The following NF1 variants were observed in gnomAD, a reference collection of about 807,000 sequenced individuals.
NF1 encodes neurofibromin.
A neutral mutation model predicts 325.7 loss-of-function variants in NF1; 122 were observed. That is an observed-to-expected ratio of 0.37 (90% CI 0.32 to 0.44). NF1 has a LOEUF of 0.44. Ranked by LOEUF, NF1 falls within the 20% of genes least tolerant of loss-of-function variation. The pLI is 1.00. For synonymous variants in NF1, 1,091 were observed against 1,186.0 expected, an observed-to-expected ratio of 0.92 and a Z score of 1.65; for missense variants, 2,140 against 3,415.4, an observed-to-expected ratio of 0.63 and a Z score of 9.31.
At chr17:31,222,425 A>G in intron 15 of NF1, 1 of 1,032,744 alleles carries the variant, frequency 9.7e-7, no homozygotes, top group Non-Finnish European at 1.2e-6. Context: ...TATACAAATC[A>G]TTACATTTTA....
chr17:31,218,071 G>C (rs1338014393), intron 13 of NF1, among the ~76,000 whole-genome samples: 1 of 152,014 alleles, frequency 6.6e-6, no homozygotes, highest in Non-Finnish European at 1.5e-5. Context: ...TCTAGCCTTT[G>C]CTTTGTTACC....
intron 5 of NF1, among the ~76,000 whole-genome samples, chr17:31,177,527 T>C (rs1231648342): frequency 6.6e-6 from 1 of 151,762 alleles, no homozygotes; most frequent in Non-Finnish European, 1.5e-5. Flanking sequence ...GTTTGACAAA[T>C]TGACAGAAGT....
chr17:31,276,366 G>A (rs1454836758), intron 36 of NF1, among the ~76,000 whole-genome samples: 1 of 152,076 alleles, frequency 6.6e-6, no homozygotes, highest in East Asian at 1.9e-4. Context: ...GCATAAATTT[G>A]GAAGGCACAG....
intron 12 of NF1, among the ~76,000 whole-genome samples, chr17:31,211,209 A>G (rs1310896361): frequency 3.3e-5 from 5 of 152,234 alleles, no homozygotes; most frequent in African/African-American, 9.6e-5. Flanking sequence ...ACCAGCTTCT[A>G]TTCCTACTAA....
At chr17:31,113,556 G>T (rs117206549) in intron 1 of NF1, among the ~76,000 whole-genome samples, 2,570 of 152,174 alleles carry the variant, frequency 0.017, 37 homozygotes, top group Middle Eastern at 0.051. Context: ...TTGAGACAGG[G>T]TCTTGCTCTG....
In NF1 at chr17:31,252,928, T is replaced by C. The variant is rs2067520558; in HGVS notation, c.4111-10T>C. The stretch of plus-strand genomic sequence containing the variant: ...GCTGTGACTTGTTTGTGCTCATCTC[T>C]GTTCTGTAGGCAACTTGCCACTCCC... On this transcript the variant is annotated splice_polypyrimidine_tract_variant and intron_variant, in intron 30 of 57. Transcript: ENST00000358273. The C allele has an allele frequency of 6.2e-7, 1 of 1,612,992 alleles. No individual in the cohort carries two copies. Among genetic ancestry groups the C allele is most frequent in the Non-Finnish European group, 8.5e-7 (1 of 1,179,300 alleles).
At chr17:31,230,209 T>A (rs1339585381) in intron 22 of NF1, 51 bp from the exon 23 acceptor site, 1 of 1,595,500 alleles carries the variant, frequency 6.3e-7, no homozygotes, top group African/African-American at 1.3e-5. Flanking sequence ...TAGAATGCCT[T>A]CTCTTTTGTC....
At chr17:31,190,196 G>T (rs958938728) in intron 8 of NF1, among the ~76,000 whole-genome samples, 7 of 151,194 alleles carry the variant, frequency 4.6e-5, no homozygotes, top group Non-Finnish European at 8.8e-5. Context: ...GGTGGAGGTT[G>T]CCATGAGCTG....
At chr17:31,347,200 C>T (rs28462302) in intron 48 of NF1, among the ~76,000 whole-genome samples, 7 of 149,490 alleles carry the variant, frequency 4.7e-5, no homozygotes, top group South Asian at 2.2e-4. Flanking sequence ...GGTTTCTATT[C>T]GGGACAATAA....
chr17:31,154,790 AG>A (rs1257640076), intron 1 of NF1, among the ~76,000 whole-genome samples: 2 of 129,146 alleles, frequency 1.5e-5, no homozygotes, highest in East Asian at 4.6e-4. Context: ...GCCAGGCTGG[AG>A]TGCAGTGGCG....
intron 32 of NF1, 121 bp from the exon 33 acceptor site, chr17:31,258,911 A>T: frequency 1.6e-6 from 1 of 642,812 alleles, no homozygotes; most frequent in Non-Finnish European, 2.7e-6. Flanking sequence ...GGAATGTTTG[A>T]TTTTTAAGTA....
chr17:31,373,934 G>A (rs2151600944), intron 57 of NF1, 79 bp from the exon 58 acceptor site: 1 of 1,561,430 alleles, frequency 6.4e-7, no homozygotes, highest in Non-Finnish European at 8.8e-7. Flanking sequence ...TGTCCCCGTT[G>A]TTAAGCGACA....
intron 8 of NF1, among the ~76,000 whole-genome samples, chr17:31,192,270 C>G (rs1301417301): frequency 6.6e-6 from 1 of 152,128 alleles, no homozygotes; most frequent in Admixed American, 6.5e-5. Context: ...ATCAGGAGTT[C>G]CTGAGAACAT....
In NF1 at chr17:31,206,352, C is replaced by T. The variant is rs781555047; in HGVS notation, c.1373C>T (p.Pro458Leu). The change falls in exon 12 of 58, where the codon CCA (proline) becomes CTA (leucine). Residue 458 changes from proline to leucine, a missense_variant. By Grantham distance (98) the Pro-to-Leu change is moderately conservative. Around this residue, in one of 10 missense-constraint regions of NF1, gnomAD observed 179 missense variants for 381.0 expected, o/e 0.47. Coordinates refer to ENST00000358273, the MANE Select transcript of NF1 (RefSeq NM_001042492.3). ...HKAVQGCGAH[P>L]AIRMAPSLTF... is the part of the protein sequence containing the mutation. ...GCAGTGCAAGGTTGTGGAGCACACC[C>T]AGCAATACGAATGGCACCGGTAAGA... 1.9e-6 allele frequency: 3 copies of T among 1,613,726 alleles called. No individual in the cohort carries two copies. The highest frequency in any genetic ancestry group is 2.5e-6 in the Non-Finnish European group (3 of 1,179,726).
Position 31,295,041 on chromosome 17 carries a change from A to G in NF1, c.4835+29702A>G, listed in dbSNP as rs377553929. On this transcript the variant is annotated intron_variant, in intron 36 of 57. Coordinates refer to ENST00000358273, the MANE Select transcript of NF1 (RefSeq NM_001042492.3). The stretch of plus-strand genomic sequence containing the variant: ...GCCAGCATGACCACAACATTGAGCA[A>G]TAAGAGAAATGAAGCATTTACTTTC... 3.3e-5 allele frequency: 53 copies of G among 1,614,160 alleles called. No individual in the cohort carries two copies. The South Asian group carries it at 3.8e-4, about 12-fold the overall frequency.
At chr17:31,215,673 A>G (rs1365432589) in intron 13 of NF1, among the ~76,000 whole-genome samples, 1 of 152,232 alleles carries the variant, frequency 6.6e-6, no homozygotes, top group Non-Finnish European at 1.5e-5. Flanking sequence ...ATAGTTCTAT[A>G]TTGTGTCTTT....
At chr17:31,350,431 A>C (rs920146316) in intron 50 of NF1, 113 bp downstream of exon 50, 1 of 878,254 alleles carries the variant, frequency 1.1e-6, no homozygotes, top group Non-Finnish European at 1.8e-6. Context: ...AAATCTAGAG[A>C]TGGCCTAGGA....
intron 34 of NF1, 30 bp from the exon 35 acceptor site, chr17:31,261,680 AT>A (rs1490145865): frequency 6.2e-7 from 1 of 1,611,154 alleles, no homozygotes; most frequent in Middle Eastern, 2.3e-4. Flanking sequence ...TGAACTGCTA[AT>A]TTTTTTTCTA....
intron 1 of NF1, among the ~76,000 whole-genome samples, chr17:31,147,016 G>A (rs1916630812): frequency 6.6e-6 from 1 of 152,186 alleles, no homozygotes; most frequent in African/African-American, 2.4e-5. Flanking sequence ...TCCACCAAAT[G>A]GCCAATTTGT....
Sources: allele counts gnomAD v4.1 joint callset (sites outside exome capture counted in the v4.1 genomes callset), GRCh38; gene constraint gnomAD v4.1.1; regional missense constraint gnomAD v4.1.1; transcripts MANE v1.5; gene names NCBI Gene and HGNC (gene_info 2026-07-23, HGNC 2026-07-21).